RNF139: variants seen among roughly 807,000 people sequenced by gnomAD.
RNF139 encodes the protein E3 ubiquitin-protein ligase RNF139.
Under a neutral mutation model 49.5 loss-of-function variants are expected in RNF139, and 15 were observed. The ratio of observed to expected loss-of-function variants is 0.30; its 90% CI spans 0.20 to 0.47. The LOEUF (loss-of-function observed/expected upper bound fraction) is 0.47, where lower values mean the gene tolerates loss of function less well. Among genes scored for constraint, RNF139 ranks in the 20% least tolerant of loss-of-function variants. The pLI is 1.00. For missense variants in RNF139, 619 were observed against 806.3 expected, an observed-to-expected ratio of 0.77 and a Z score of 2.81; for synonymous variants, 325 against 300.9, an observed-to-expected ratio of 1.08 and a Z score of -0.83.
rs545965634 is a variant in RNF139 at position 124,475,055 on chromosome 8, G to A, written c.-55G>A. 1.8e-4 allele frequency: 242 copies of A among 1,314,682 alleles called. 1 individual carries two copies. The highest frequency in any genetic ancestry group is 2.3e-4 in the Non-Finnish European group (238 of 1,030,390). The allele number at this position is 1,314,682 out of a possible 1,614,324, so 81.4% of individuals were successfully genotyped here. On this transcript the variant is annotated 5_prime_UTR_variant, in exon 1 of 2. Coordinates refer to ENST00000303545, the MANE Select transcript of RNF139 (RefSeq NM_007218.4). ...CCCCCGCCCCCGGCCGCGGCCCCGG[G>A]CCCTGCCCCGCGCGGCCCTGCCCGG...
intron 1 of RNF139, among the ~76,000 whole-genome samples, chr8:124,482,692 C>T (rs567235902): frequency 2.0e-5 from 3 of 151,334 alleles, no homozygotes; most frequent in South Asian, 4.2e-4. Flanking sequence ...TTTGGGAGGC[C>T]GAAGCGGGTG....
intron 1 of RNF139, among the ~76,000 whole-genome samples, chr8:124,476,713 G>A (rs1816322326): frequency 6.6e-6 from 1 of 152,184 alleles, no homozygotes; most frequent in Non-Finnish European, 1.5e-5. Context: ...GATTCTGCAT[G>A]TTCATCCCAG....
chr8:124,482,646 G>A (rs949920169), intron 1 of RNF139, among the ~76,000 whole-genome samples: 4 of 151,708 alleles, frequency 2.6e-5, no homozygotes, highest in Non-Finnish European at 2.9e-5. Flanking sequence ...TCTTTTCAGG[G>A]CCGAGCGCAG....
At chr8:124,485,229 T>G (rs1816508802) in intron 1 of RNF139, among the ~76,000 whole-genome samples, 1 of 152,164 alleles carries the variant, frequency 6.6e-6, no homozygotes, top group Non-Finnish European at 1.5e-5. Context: ...CTGGGCATGG[T>G]GGCAGGTGCC....
At chr8:124,482,970 T>TA (rs1415335833) in intron 1 of RNF139, among the ~76,000 whole-genome samples, 1 of 92,578 alleles carries the variant, frequency 1.1e-5, no homozygotes, top group Non-Finnish European at 2.0e-5. Context: ...TATATATATA[T>TA]TATTTAAATA....
At chr8:124,475,943 T>A (rs931965973) in intron 1 of RNF139, among the ~76,000 whole-genome samples, 14 of 152,236 alleles carry the variant, frequency 9.2e-5, no homozygotes, top group African/African-American at 2.7e-4. Context: ...CCAAAGAGAC[T>A]TCTGAAAATC....
At position 124,487,552 on chromosome 8, in the gene RNF139, A is replaced by T. The variant is rs187665896; in HGVS notation, c.1903A>T (p.Thr635Ser). The change falls in exon 2 of 2, where the codon ACA (threonine) becomes TCA (serine). Residue 635 changes from threonine (T) to serine (S), a missense_variant. Transcript: ENST00000303545. ...SDRELNEDDS[T>S]DCDDDVQRER... ...CAGGGAATTGAACGAAGATGACAGT[A>T]CAGATTGTGATGATGATGTTCAAAG... 6.8e-6 allele frequency: 11 copies of T among 1,614,162 alleles called. No homozygotes were observed. The Admixed American group carries it at 1.0e-4, about 15-fold the overall frequency.
intron 1 of RNF139, among the ~76,000 whole-genome samples, chr8:124,478,583 G>A (rs957654098): frequency 6.6e-5 from 10 of 150,520 alleles, no homozygotes; most frequent in African/African-American, 2.4e-4. Flanking sequence ...ACTCCAGCCT[G>A]GGCGATAGAG....
chr8:124,474,987 G>C lies in RNF139; in HGVS notation c.-123G>C. ...GGGCGGCGGGGCTGGCCGTGAGAGA[G>C]ACAGGAGAGGAAGGAGGGCAGGGGC... On this transcript the variant is annotated 5_prime_UTR_variant, in exon 1 of 2. Transcript: ENST00000303545. This position sits in a 1 kb window ranked among gnomAD's most constrained non-coding sequence, Gnocchi z 4.6. 1.8e-6 allele frequency: 1 copy of C among 554,734 alleles called. No individual in the cohort carries two copies. Among genetic ancestry groups the C allele is most frequent in the Non-Finnish European group, 2.6e-6 (1 of 382,064 alleles). 34.4% of individuals were successfully genotyped at this position (554,734 alleles called of 1,614,324 possible). A position where few individuals can be genotyped will look rare whatever the true frequency, so the allele number is the denominator to read the frequency against.
Position 124,487,413 on chromosome 8 carries a change from A to G in RNF139, c.1764A>G (p.Lys588=). 3.7e-6 allele frequency: 6 copies of G among 1,614,178 alleles called. No homozygotes were observed. The highest frequency in any genetic ancestry group is 5.1e-6 in the Non-Finnish European group (6 of 1,180,010). ...ATACTTGTCCAATGTGCCATCAGAAAGTATACATCGAAGATGATATCAAGG... is the reference window on the plus strand; with the variant it reads ...ATACTTGTCCAATGTGCCATCAGAAGGTATACATCGAAGATGATATCAAGG... ...IQDTCPMCHQ[K]VYIEDDIKDN... Residue 588 remains lysine (K), a synonymous_variant, in exon 2 of 2, where the codon AAA becomes AAG. Transcript: ENST00000303545.
intron 1 of RNF139, among the ~76,000 whole-genome samples, chr8:124,485,262 G>C (rs185816033): frequency 3.5e-4 from 54 of 152,284 alleles, no homozygotes; most frequent in Non-Finnish European, 6.8e-4. Context: ...TACTTGGGAG[G>C]CTGGGGCAGG....
rs902200617 is a variant in RNF139 at position 124,487,975 on chromosome 8, A to G, written c.*331A>G. On this transcript the variant is annotated 3_prime_UTR_variant, in exon 2 of 2. Transcript: ENST00000303545. ...ACCTGTGCCAAATATTCTTCAATGA[A>G]ATTATATAATGTAACTTTGGACCTC... The G allele has an allele frequency of 1.0e-5, 2 of 196,410 alleles. No homozygotes were observed. The highest frequency in any genetic ancestry group is 4.6e-5 in the African/African-American group (2 of 43,028). The allele number at this position is 196,410 out of a possible 1,614,324, so 12.2% of individuals were successfully genotyped here. A position where few individuals can be genotyped will look rare whatever the true frequency, so the allele number is the denominator to read the frequency against.
intron 1 of RNF139, among the ~76,000 whole-genome samples, chr8:124,475,969 T>A (rs1816307601): frequency 6.6e-6 from 1 of 152,266 alleles, no homozygotes; most frequent in Non-Finnish European, 1.5e-5. Flanking sequence ...CTTTGTTTCG[T>A]ATGGATGGAG....
rs148421184 is a variant in RNF139, at chr8:124,475,278, C to G, written c.169C>G (p.Leu57Val). The G allele has an allele frequency of 1.1e-5, 17 of 1,613,160 alleles. 1 individual carries two copies. Among genetic ancestry groups the G allele is most frequent in the Non-Finnish European group, 1.1e-5 (13 of 1,179,514 alleles). Residue 57 changes from leucine to valine, a missense_variant, in exon 1 of 2, where the codon CTC becomes GTC. Transcript: ENST00000303545. ...GTTCTGCATCGTGCTCCAGATCTTCCTCCGGCTCTTTGGTAAGGGAACAGG... is the reference window on the plus strand; with the variant it reads ...GTTCTGCATCGTGCTCCAGATCTTCGTCCGGCTCTTTGGTAAGGGAACAGG... ...SRFCIVLQIF[L>V]RLFGVFASSI... is the part of the protein sequence containing the mutation.
rs777793837 is a variant in RNF139, at chr8:124,487,665, G to A, written c.*21G>A. The A allele has an allele frequency of 4.5e-6, 7 of 1,567,434 alleles. No individual in the cohort carries two copies. The African/African-American group carries it at 9.5e-5, about 21-fold the overall frequency. On this transcript the variant is annotated 3_prime_UTR_variant, in exon 2 of 2. Coordinates refer to ENST00000303545, the MANE Select transcript of RNF139 (RefSeq NM_007218.4). Reference sequence around the variant, plus strand: ...ACTGATGAAAATAGCATTTATTAATGATTGAGGTATTTGTTTAAAATTCAG... The same window carrying A: ...ACTGATGAAAATAGCATTTATTAATAATTGAGGTATTTGTTTAAAATTCAG...
rs1427946163 is a variant in RNF139, at chr8:124,486,719, G to A, written c.1070G>A (p.Cys357Tyr). 6.2e-7 allele frequency: 1 copy of A among 1,613,928 alleles called. No homozygotes were observed. Among genetic ancestry groups the A allele is most frequent in the Non-Finnish European group, 8.5e-7 (1 of 1,180,006 alleles). The change falls in exon 2 of 2, where the codon TGC (cysteine) becomes TAC (tyrosine). Residue 357 changes from cysteine (C) to tyrosine (Y), a missense_variant. Coordinates refer to ENST00000303545, the MANE Select transcript of RNF139 (RefSeq NM_007218.4). ...ERLIRLSRNM[C>Y]LLLTAVLHFI... ...CTTATTCGCTTAAGTAGAAACATGT[G>A]CCTTTTATTAACTGCAGTCCTGCAT...
At position 124,486,894 on chromosome 8, in the gene RNF139, A is replaced by G. The variant is rs758433975; in HGVS notation, c.1245A>G (p.Ala415=). ...GTTATGTTCTTTGGCATCACTATGC[A>G]CTAAATACATGGTTGTTTGCAGTTA... The part of the protein sequence containing the change: ...LLSYVLWHHY[A]LNTWLFAVTA... Residue 415 remains alanine (A), a synonymous_variant, in exon 2 of 2, where the codon GCA becomes GCG. Coordinates refer to ENST00000303545, the MANE Select transcript of RNF139 (RefSeq NM_007218.4). 2 of 1,614,030 alleles carry G rather than the reference A, an allele frequency of 1.2e-6. No individual in the cohort carries two copies. The highest frequency in any genetic ancestry group is 1.7e-6 in the Non-Finnish European group (2 of 1,180,004).
chr8:124,482,081 T>C (rs553577908), intron 1 of RNF139, among the ~76,000 whole-genome samples: 1 of 152,232 alleles, frequency 6.6e-6, no homozygotes, highest in South Asian at 2.1e-4. Context: ...GGGGGTGTGA[T>C]TTTAATCAGG....
At chr8:124,475,553 G>T (rs576129580) in intron 1 of RNF139, among the ~76,000 whole-genome samples, 1 of 152,246 alleles carries the variant, frequency 6.6e-6, no homozygotes, top group African/African-American at 2.4e-5. Flanking sequence ...TGAGCATGCA[G>T]CTCTTTGCCC....
Sources: allele counts gnomAD v4.1 joint callset (sites outside exome capture counted in the v4.1 genomes callset), GRCh38; gene constraint gnomAD v4.1.1; non-coding constraint Gnocchi (gnomAD v3.1); transcripts MANE v1.5; gene names NCBI Gene and HGNC (gene_info 2026-07-23, HGNC 2026-07-21).